The following CDYL2 variants were observed in gnomAD, a reference collection of about 807,000 sequenced individuals.
CDYL2 encodes chromodomain Y-like protein 2.
In CDYL2, 23 loss-of-function variants were observed where a neutral mutation model predicts 49.4. That is an observed-to-expected ratio of 0.47 (90% CI 0.34 to 0.66). The LOEUF is 0.66. CDYL2 is among the 30% of genes least tolerant of loss of function. CDYL2 has a pLI of 0.01. For missense variants in CDYL2, 678 were observed against 656.4 expected, an observed-to-expected ratio of 1.03 and a Z score of -0.36; for synonymous variants, 360 against 268.8, an observed-to-expected ratio of 1.34 and a Z score of -3.32.
intron 1 of CDYL2, among the ~76,000 whole-genome samples, chr16:80,727,480 C>T (rs899532957): frequency 6.6e-6 from 1 of 152,230 alleles, no homozygotes; most frequent in Non-Finnish European, 1.5e-5. Context: ...GCTAGCACAG[C>T]AATCTGAGAT....
chr16:80,708,790 T>C (rs977162979), intron 1 of CDYL2, among the ~76,000 whole-genome samples: 1 of 152,166 alleles, frequency 6.6e-6, no homozygotes, highest in African/African-American at 2.4e-5. Context: ...ACTAGAAGCT[T>C]ATTGTGTAGT....
chr16:80,703,780 TC>T (rs911129222), intron 1 of CDYL2, among the ~76,000 whole-genome samples: 1 of 152,212 alleles, frequency 6.6e-6, no homozygotes, highest in Non-Finnish European at 1.5e-5. Flanking sequence ...TACTGCAGGG[TC>T]CTGCCCTCTT....
chr16:80,681,012 C>G (rs932409768), intron 2 of CDYL2, among the ~76,000 whole-genome samples: 2 of 151,942 alleles, frequency 1.3e-5, no homozygotes, highest in Non-Finnish European at 2.9e-5. Context: ...GCCCCACAAA[C>G]ACTGCTGGGG....
At chr16:80,716,514 T>C (rs374180014) in intron 1 of CDYL2, among the ~76,000 whole-genome samples, 20 of 151,782 alleles carry the variant, frequency 1.3e-4, no homozygotes, top group African/African-American at 4.8e-4. Flanking sequence ...GATGGATGGA[T>C]GATAAATGGA....
intron 1 of CDYL2, among the ~76,000 whole-genome samples, chr16:80,699,003 A>T (rs1392971282): frequency 6.6e-6 from 1 of 152,216 alleles, no homozygotes; most frequent in Non-Finnish European, 1.5e-5. Context: ...TCAAAAAAAC[A>T]AAAACTAACA....
intron 2 of CDYL2, 92 bp from the exon 3 acceptor site, chr16:80,633,328 G>A (rs1005455400): frequency 2.1e-5 from 28 of 1,317,120 alleles, no homozygotes; most frequent in Non-Finnish European, 3.0e-5. Context: ...CCAATGGAAA[G>A]GTTTGGATGT....
intron 3 of CDYL2, among the ~76,000 whole-genome samples, chr16:80,622,270 G>A (rs1907115505): frequency 6.6e-6 from 1 of 152,174 alleles, no homozygotes; most frequent in Non-Finnish European, 1.5e-5. Flanking sequence ...CCACCCTGCA[G>A]CCTTCTTTGA....
rs568925751 is a variant in CDYL2, at chr16:80,790,926, T to C, written c.24+13224A>G. 5.9e-5 allele frequency among the ~76,000 whole-genome samples: 9 copies of C among 152,346 alleles called. 1 individual carries two copies. The highest frequency in any genetic ancestry group is 2.2e-4 in the African/African-American group (9 of 41,572). The stretch of plus-strand genomic sequence containing the variant: ...CCGGGAAGATACAGTCTCTGTCTCA[T>C]GTCCAACACACTTAGATTTCAGTGA... On this transcript the variant is annotated intron_variant, in intron 1 of 6. Coordinates refer to ENST00000570137, the MANE Select transcript of CDYL2 (RefSeq NM_152342.4).
chr16:80,607,107 G>C (rs1906372062), intron 6 of CDYL2, among the ~76,000 whole-genome samples: 2 of 152,174 alleles, frequency 1.3e-5, no homozygotes, highest in Non-Finnish European at 1.5e-5. Flanking sequence ...GATTAAAAGA[G>C]AATCCACGTG....
At position 80,604,324 on chromosome 16, in the gene CDYL2, C is replaced by T; in HGVS notation, c.*64G>A. The stretch of plus-strand genomic sequence containing the variant: ...ACAAACTCCTTGGCCGGGGCAGACA[C>T]TGTGCTCTGGTTTCCGAAACACAGG... On this transcript the variant is annotated 3_prime_UTR_variant, in exon 7 of 7. Coordinates refer to ENST00000570137, the MANE Select transcript of CDYL2 (RefSeq NM_152342.4). The T allele has an allele frequency of 1.9e-6, 3 of 1,581,614 alleles. No homozygotes were observed. Among genetic ancestry groups the T allele is most frequent in the South Asian group, 2.2e-5 (2 of 90,154 alleles).
intron 1 of CDYL2, 139 bp downstream of exon 1, chr16:80,804,011 G>T: frequency 2.6e-6 from 1 of 384,050 alleles, no homozygotes; most frequent in Non-Finnish European, 3.4e-6. Context: ...GCCACCCTCC[G>T]GCCGCCGCCG....
At chr16:80,704,330 G>A (rs1904332339) in intron 1 of CDYL2, among the ~76,000 whole-genome samples, 1 of 152,164 alleles carries the variant, frequency 6.6e-6, no homozygotes, top group Admixed American at 6.5e-5. Context: ...TATTCTCTCA[G>A]AACCAATACC....
intron 1 of CDYL2, among the ~76,000 whole-genome samples, chr16:80,756,614 A>C (rs574005180): frequency 9.2e-5 from 14 of 152,280 alleles, no homozygotes; most frequent in Non-Finnish European, 1.9e-4. Flanking sequence ...AAAATGTTTC[A>C]GACGACAGTA....
intron 1 of CDYL2, among the ~76,000 whole-genome samples, chr16:80,771,601 A>T (rs568412238): frequency 6.6e-6 from 1 of 152,268 alleles, no homozygotes; most frequent in African/African-American, 2.4e-5. Context: ...GCTTCTTGTG[A>T]GGCTGAGGCA....
At chr16:80,753,238 G>A (rs114448135) in intron 1 of CDYL2, among the ~76,000 whole-genome samples, 8 of 150,850 alleles carry the variant, frequency 5.3e-5, no homozygotes, top group Non-Finnish European at 7.4e-5. Flanking sequence ...TGGCCTTTCC[G>A]AGAAATGGTA....
chr16:80,660,993 G>A (rs114631216), intron 2 of CDYL2, among the ~76,000 whole-genome samples: 3,093 of 152,224 alleles, frequency 0.02, 85 homozygotes, highest in African/African-American at 0.051. Context: ...GGAGGGCTGG[G>A]GTTGGGGTGA....
At chr16:80,653,267 A>C (rs149896796) in intron 2 of CDYL2, among the ~76,000 whole-genome samples, 1 of 152,196 alleles carries the variant, frequency 6.6e-6, no homozygotes, top group African/African-American at 2.4e-5. Flanking sequence ...GGAGTTTGAG[A>C]CCAACCTGAT....
At chr16:80,783,972 C>G (rs1390659509) in intron 1 of CDYL2, among the ~76,000 whole-genome samples, 1 of 152,108 alleles carries the variant, frequency 6.6e-6, no homozygotes, top group Non-Finnish European at 1.5e-5. Flanking sequence ...TGTTCTGGAA[C>G]TAGACAACAT....
chr16:80,670,980 T>G (rs1427962897), intron 2 of CDYL2: 2 of 455,928 alleles, frequency 4.4e-6, no homozygotes, highest in African/African-American at 4.0e-5. Context: ...GAAGGCTGCC[T>G]CAGGATTTTG....
Sources: allele counts gnomAD v4.1 joint callset (sites outside exome capture counted in the v4.1 genomes callset), GRCh38; gene constraint gnomAD v4.1.1; transcripts MANE v1.5; gene names NCBI Gene and HGNC (gene_info 2026-07-23, HGNC 2026-07-21).